The following LHPP variants were observed in gnomAD, a reference collection of about 807,000 sequenced individuals.
LHPP encodes the protein hLHPP.
A neutral mutation model predicts 30.3 loss-of-function variants in LHPP; 24 were observed. The observed-to-expected ratio is 0.79, with a 90% CI of 0.57 to 1.11. The LOEUF is 1.11. Ranked by LOEUF, LHPP falls within the 50% of genes most tolerant of loss-of-function variation. LHPP has a pLI of 0.00. For missense variants in LHPP, 356 were observed against 367.2 expected, an observed-to-expected ratio of 0.97 and a Z score of 0.25; for synonymous variants, 150 against 157.1, an observed-to-expected ratio of 0.95 and a Z score of 0.34.
chr10:124,537,765 A>G (rs528569401), intron 6 of LHPP, among the ~76,000 whole-genome samples: 2 of 152,282 alleles, frequency 1.3e-5, no homozygotes, highest in East Asian at 3.9e-4. Context: ...GGCCGGGCTG[A>G]TATTACCCGA....
At chr10:124,503,425 A>G (rs1953970670) in intron 5 of LHPP, among the ~76,000 whole-genome samples, 1 of 152,020 alleles carries the variant, frequency 6.6e-6, no homozygotes, top group Non-Finnish European at 1.5e-5. Context: ...GGTGCAGGGA[A>G]GCCAAAAGAT....
intron 1 of LHPP, among the ~76,000 whole-genome samples, chr10:124,471,741 ATATATATTTG>A (rs1250319434): frequency 1.2e-4 from 15 of 120,908 alleles, no homozygotes; most frequent in African/African-American, 4.1e-4. Context: ...ATATATTTGT[ATATATATTTG>A]TATATATATA....
At chr10:124,594,261 C>A (rs1948915374) in intron 6 of LHPP, among the ~76,000 whole-genome samples, 1 of 133,142 alleles carries the variant, frequency 7.5e-6, no homozygotes, top group Non-Finnish European at 1.5e-5. Flanking sequence ...ACCTAGGAGG[C>A]AGAGGTTGTA....
At chr10:124,512,393 G>T (rs1220705215) in intron 5 of LHPP, among the ~76,000 whole-genome samples, 1 of 152,076 alleles carries the variant, frequency 6.6e-6, no homozygotes, top group African/African-American at 2.4e-5. Flanking sequence ...GAGGCAGGTG[G>T]ATGACTTGGT....
chr10:124,504,908 G>A (rs1954018568), intron 5 of LHPP, among the ~76,000 whole-genome samples: 1 of 152,310 alleles, frequency 6.6e-6, no homozygotes, highest in African/African-American at 2.4e-5. Flanking sequence ...GTCTGGGAGG[G>A]AGCGGGGCTG....
At chr10:124,575,974 C>T (rs543420647) in intron 6 of LHPP, among the ~76,000 whole-genome samples, 5 of 152,146 alleles carry the variant, frequency 3.3e-5, no homozygotes, top group Non-Finnish European at 7.4e-5. Flanking sequence ...CCCCTGAAAA[C>T]GTTCACATCC....
chr10:124,550,356 C>G (rs1322997667), intron 6 of LHPP, among the ~76,000 whole-genome samples: 1 of 152,260 alleles, frequency 6.6e-6, no homozygotes, highest in Non-Finnish European at 1.5e-5. Flanking sequence ...TCTCCCCCGA[C>G]ACAAGGCACA....
intron 6 of LHPP, among the ~76,000 whole-genome samples, chr10:124,578,132 C>T (rs1402956763): frequency 1.3e-5 from 2 of 152,208 alleles, no homozygotes; most frequent in African/African-American, 4.8e-5. Flanking sequence ...ATTTGGAGTT[C>T]CCACTGCCTT....
At chr10:124,485,866 G>A (rs976034900) in intron 2 of LHPP, among the ~76,000 whole-genome samples, 1 of 152,178 alleles carries the variant, frequency 6.6e-6, no homozygotes, top group African/African-American at 2.4e-5. Context: ...CTCCCAAAGT[G>A]CTGGGATTAC....
chr10:124,515,909 T>C (rs1344069007), intron 5 of LHPP, among the ~76,000 whole-genome samples: 1 of 152,238 alleles, frequency 6.6e-6, no homozygotes, highest in Non-Finnish European at 1.5e-5. Flanking sequence ...GGCAGTGGTC[T>C]GCTGAGTACT....
At position 124,607,932 on chromosome 10, in the gene LHPP, C is replaced by T. The variant is rs182581238; in HGVS notation, c.717-5332C>T. 2.0e-3 allele frequency among the ~76,000 whole-genome samples: 300 copies of T among 152,314 alleles called. 2 individuals are homozygous for T. The Middle Eastern group carries it at 0.02, about 10-fold the overall frequency. ...GAGCAGTGCTTTGGAGCTCATCTCCCCAGACCCTAGTGGGAGCTGAGGGCA... is the reference window on the plus strand; with the variant it reads ...GAGCAGTGCTTTGGAGCTCATCTCCTCAGACCCTAGTGGGAGCTGAGGGCA... On this transcript the variant is annotated intron_variant, in intron 6 of 6. Coordinates refer to ENST00000368842, the MANE Select transcript of LHPP (RefSeq NM_022126.4).
At chr10:124,577,175 G>A (rs1170402230) in intron 6 of LHPP, among the ~76,000 whole-genome samples, 1 of 152,174 alleles carries the variant, frequency 6.6e-6, no homozygotes, top group Non-Finnish European at 1.5e-5. Flanking sequence ...GAAGGGCCAG[G>A]TAGGCTGATG....
intron 5 of LHPP, chr10:124,498,820 C>T (rs568801551): frequency 5.2e-6 from 2 of 381,050 alleles, no homozygotes; most frequent in Admixed American, 7.1e-5. Flanking sequence ...AACCAGGCCC[C>T]CCCCCCGCCA....
At position 124,484,355 on chromosome 10, in the gene LHPP, G is replaced by A. The variant is rs144117542; in HGVS notation, c.313+29G>A. ...GGCCTGTCGGACACCAGGACCTCAC[G>A]GGGGTGAAAGCTCCCCTTTCCCAGG... On this transcript the variant is annotated intron_variant, in intron 2 of 6. Transcript: ENST00000368842. 5.2e-4 allele frequency: 835 copies of A among 1,593,930 alleles called. 2 individuals carry two copies. The East Asian group carries it at 5.7e-3, about 11-fold the overall frequency.
rs1348938239 is a variant in LHPP at position 124,471,533 on chromosome 10, ATTTATATATAT to A, written c.125+9560_125+9570del. On this transcript the variant is annotated intron_variant, in intron 1 of 6. Coordinates refer to ENST00000368842, the MANE Select transcript of LHPP (RefSeq NM_022126.4). The stretch of plus-strand genomic sequence containing the variant: ...TATATATATTTATATATTTATATAT[ATTTATATATAT>A]TTTATATATATTTATATATATATAA... Among the ~76,000 whole-genome samples, 4 of 48,822 alleles carry A rather than the reference ATTTATATATAT, an allele frequency of 8.2e-5. 1 individual carries two copies. The highest frequency in any genetic ancestry group is 1.6e-4 in the Non-Finnish European group (4 of 25,578). 32.0% of individuals were successfully genotyped at this position (48,822 alleles called of 152,430 possible). A position where few individuals can be genotyped will look rare whatever the true frequency, so the allele number is the denominator to read the frequency against.
At chr10:124,485,765 T>C (rs1953306935) in intron 2 of LHPP, among the ~76,000 whole-genome samples, 1 of 152,050 alleles carries the variant, frequency 6.6e-6, no homozygotes, top group Admixed American at 6.6e-5. Context: ...CACGCCCGCC[T>C]AATTTTTGTA....
intron 6 of LHPP, among the ~76,000 whole-genome samples, chr10:124,547,245 T>C (rs1015458644): frequency 3.3e-5 from 5 of 152,232 alleles, no homozygotes; most frequent in Middle Eastern, 6.3e-3. Flanking sequence ...AGTTCATTCC[T>C]GCAGTCCCCT....
chr10:124,543,297 A>G (rs1234988787), intron 6 of LHPP, among the ~76,000 whole-genome samples: 3 of 152,246 alleles, frequency 2.0e-5, no homozygotes, highest in Admixed American at 6.5e-5. Context: ...ACCTGAGGGT[A>G]GACACTGCCT....
At chr10:124,536,380 T>C (rs1467110878) in intron 6 of LHPP, among the ~76,000 whole-genome samples, 1 of 152,164 alleles carries the variant, frequency 6.6e-6, no homozygotes, top group Admixed American at 6.5e-5. Context: ...CAGTCCCAAA[T>C]AGACTCCTGC....
Sources: gnomAD v4.1 joint callset for allele counts (sites outside exome capture counted in the v4.1 genomes callset) on GRCh38, gnomAD v4.1.1 for gene constraint, MANE v1.5 for transcripts, NCBI Gene and HGNC (gene_info 2026-07-23, HGNC 2026-07-21) for gene names.